UNC45B: variants seen among roughly 807,000 people sequenced by gnomAD.
UNC45B encodes the protein unc-45 myosin chaperone B, also known as protein unc-45 homolog B.
In UNC45B, 78 loss-of-function variants were observed where a neutral mutation model predicts 98.7. The ratio of observed to expected loss-of-function variants is 0.79; its 90% CI spans 0.66 to 0.95. UNC45B has a LOEUF of 0.95. UNC45B is among the 40% of genes least tolerant of loss of function. The pLI is 0.00. For synonymous variants in UNC45B, 462 were observed against 480.4 expected, an observed-to-expected ratio of 0.96 and a Z score of 0.50; for missense variants, 1,225 against 1,184.9, an observed-to-expected ratio of 1.03 and a Z score of -0.50.
chr17:35,170,281 C>A, intron 12 of UNC45B, 26 bp downstream of exon 12: 2 of 1,579,884 alleles, frequency 1.3e-6, no homozygotes, highest in Non-Finnish European at 1.7e-6. Context: ...TCTGGCCCGA[C>A]CACAAACCTC....
intron 18 of UNC45B, among the ~76,000 whole-genome samples, chr17:35,181,427 C>T (rs2092272896): frequency 6.6e-6 from 1 of 152,148 alleles, no homozygotes; most frequent in Non-Finnish European, 1.5e-5. Flanking sequence ...AGCGTGAGAC[C>T]CAGTCTGTTT....
chr17:35,159,531 A>T lies in UNC45B; in HGVS notation c.965A>T (p.Tyr322Phe). 6.2e-7 allele frequency: 1 copy of T among 1,613,870 alleles called. No homozygotes were observed. The highest frequency in any genetic ancestry group is 8.5e-7 in the Non-Finnish European group (1 of 1,179,890). ...ATTCATGACAACTCACGTACCATCTATGTGGTGGATAATGGTGAGAAGAGG... is the reference window on the plus strand; with the variant it reads ...ATTCATGACAACTCACGTACCATCTTTGTGGTGGATAATGGTGAGAAGAGG... ...LAIHDNSRTIYVVDNGLRKIL... is the reference protein window; with the variant it reads ...LAIHDNSRTIFVVDNGLRKIL... The change falls in exon 8 of 20, where the codon TAT (tyrosine) becomes TTT (phenylalanine). Residue 322 changes from tyrosine to phenylalanine, a missense_variant. Tyr to Phe is a conservative substitution (Grantham distance 22). Transcript: ENST00000394570.
chr17:35,176,197 G>C (rs1243987211), intron 15 of UNC45B, among the ~76,000 whole-genome samples, 163 bp downstream of exon 15: 2 of 152,088 alleles, frequency 1.3e-5, no homozygotes, highest in African/African-American at 4.8e-5. Context: ...TTGACTTTAT[G>C]CTATGATGGT....
chr17:35,171,383 A>G lies in UNC45B; in HGVS notation c.1751A>G (p.Tyr584Cys), dbSNP rs767095075. 4 of 1,614,226 alleles carry G rather than the reference A, an allele frequency of 2.5e-6. No individual in the cohort carries two copies. Among genetic ancestry groups the G allele is most frequent in the South Asian group, 2.2e-5 (2 of 91,084 alleles). Reference sequence around the variant, plus strand: ...ACCCTGGTGAACTGCACCAACAGCTACGATGTCAAGGAGGTCATCCCAGAG... The same window carrying G: ...ACCCTGGTGAACTGCACCAACAGCTGCGATGTCAAGGAGGTCATCCCAGAG... ...ATTLVNCTNS[Y>C]DVKEVIPELV... The change falls in exon 13 of 20, where the codon TAC becomes TGC. Residue 584 changes from tyrosine to cysteine, a missense_variant. By Grantham distance (194) the Tyr-to-Cys change is radical. Coordinates refer to ENST00000394570, the MANE Select transcript of UNC45B (RefSeq NM_001267052.2).
rs557837750 is a variant in UNC45B at position 35,171,447 on chromosome 17, C to T, written c.1815C>T (p.Pro605=). ...QLAKFSKQHV[P]EEHPKDKKDF... ...CCAAGTTCTCCAAGCAGCATGTGCC[C>T]GAGGAACACCCCAAGGTAGGGTCAG... Residue 605 remains proline (P), a synonymous_variant, in exon 13 of 20, where the codon CCC becomes CCT. Coordinates refer to ENST00000394570, the MANE Select transcript of UNC45B (RefSeq NM_001267052.2). 20 of 1,614,090 alleles carry T rather than the reference C, an allele frequency of 1.2e-5. No individual in the cohort carries two copies. Among genetic ancestry groups the T allele is most frequent in the South Asian group, 4.4e-5 (4 of 91,082 alleles).
At position 35,148,281 on chromosome 17, in the gene UNC45B, G is replaced by A. The variant is rs771865990; in HGVS notation, c.18G>A (p.Ala6=). Residue 6 remains alanine, a synonymous_variant, in exon 2 of 20, where the codon GCG becomes GCA. Coordinates refer to ENST00000394570, the MANE Select transcript of UNC45B (RefSeq NM_001267052.2). MAEVE[A]VQLKEEGNRH... ...CCCAGCAGATGGCAGAGGTGGAAGC[G>A]GTACAGCTGAAGGAGGAAGGAAACC... 2.0e-5 allele frequency: 32 copies of A among 1,613,974 alleles called. No individual in the cohort carries two copies. The highest frequency in any genetic ancestry group is 4.0e-5 in the African/African-American group (3 of 74,910).
chr17:35,164,813 T>C (rs1236228776), intron 9 of UNC45B, among the ~76,000 whole-genome samples: 1 of 151,940 alleles, frequency 6.6e-6, no homozygotes, highest in East Asian at 1.9e-4. Context: ...CCTCGAACTT[T>C]TGGGCTCATG....
rs1193103699 is a variant in UNC45B, at chr17:35,186,611, G to C, written c.*52G>C. 1.9e-6 allele frequency: 3 copies of C among 1,587,420 alleles called. No individual in the cohort carries two copies. The highest frequency in any genetic ancestry group is 2.2e-5 in the East Asian group (1 of 44,484). On this transcript the variant is annotated 3_prime_UTR_variant, in exon 20 of 20. Coordinates refer to ENST00000394570, the MANE Select transcript of UNC45B (RefSeq NM_001267052.2). ...TGGTCCTGTACTGTGCAGAGTCCTGGGTTGGTTGGGTTCTCCTGAAGAGTC... is the reference window on the plus strand; with the variant it reads ...TGGTCCTGTACTGTGCAGAGTCCTGCGTTGGTTGGGTTCTCCTGAAGAGTC...
Position 35,183,495 on chromosome 17 carries a change from T to A in UNC45B, c.2442T>A (p.Asp814Glu). 6.2e-7 allele frequency: 1 copy of A among 1,605,684 alleles called. No individual in the cohort carries two copies. The highest frequency in any genetic ancestry group is 8.5e-7 in the Non-Finnish European group (1 of 1,175,604). ...LKLVVLLCGE[D>E]DDKVQNAAAG... The stretch of plus-strand genomic sequence containing the variant: ...TGGTGGTGCTGCTCTGCGGGGAGGA[T>A]GATGATAAGGTGCAGAATGCGGCTG... Residue 814 changes from aspartate to glutamate, a missense_variant, in exon 19 of 20, where the codon GAT becomes GAA. Coordinates refer to ENST00000394570, the MANE Select transcript of UNC45B (RefSeq NM_001267052.2).
At chr17:35,179,044 T>C (rs1409551072) in intron 17 of UNC45B, among the ~76,000 whole-genome samples, 1 of 152,232 alleles carries the variant, frequency 6.6e-6, no homozygotes, top group Non-Finnish European at 1.5e-5. Context: ...GCCTGCTCTT[T>C]CTTGGTTCCA....
rs112969297 is a variant in UNC45B at position 35,154,531 on chromosome 17, G to A, written c.472-43G>A. ...TTGGCCCATGGTCCAGGCCTGGGTG[G>A]CCGTACCTCCCTCGTAACCCTTATT... On this transcript the variant is annotated intron_variant, in intron 5 of 19. Transcript: ENST00000394570. The A allele has an allele frequency of 1.0e-3, 1,635 of 1,595,134 alleles. 15 individuals carry two copies. The African/African-American group carries it at 0.018, about 17-fold the overall frequency.
Position 35,166,086 on chromosome 17 carries a change from T to TAAA in UNC45B, c.1151+1943_1151+1945dup, listed in dbSNP as rs55844448. Among the ~76,000 whole-genome samples, 36 of 58,110 alleles carry TAAA rather than the reference T, an allele frequency of 6.2e-4. 2 individuals are homozygous for TAAA. Among genetic ancestry groups the TAAA allele is most frequent in the East Asian group, 2.2e-3 (4 of 1,830 alleles). The allele number at this position is 58,110 out of a possible 152,430, so 38.1% of individuals were successfully genotyped here. ...GGCAATGTAGAGAGACCCTCATCTCTAAAAAAAAAAAAAAAAAAAAAAAAA... is the reference window on the plus strand; with the variant it reads ...GGCAATGTAGAGAGACCCTCATCTCTAAAAAAAAAAAAAAAAAAAAAAAAAAAA... On this transcript the variant is annotated intron_variant, in intron 9 of 19. Transcript: ENST00000394570.
rs189603090 is a variant in UNC45B, at chr17:35,168,851, C to T, written c.1452+490C>T. 4.0e-4 allele frequency among the ~76,000 whole-genome samples: 61 copies of T among 152,096 alleles called. 1 individual carries two copies. Among genetic ancestry groups the T allele is most frequent in the Admixed American group, 1.1e-3 (17 of 15,262 alleles). On this transcript the variant is annotated intron_variant, in intron 10 of 19. Transcript: ENST00000394570. ...CCCCCAGAGTAGCTGGAATTACAGA[C>T]GTGTGCCACCACACTCAGCTAATTT...
intron 18 of UNC45B, 103 bp from the exon 19 acceptor site, chr17:35,183,324 C>G: frequency 7.6e-7 from 1 of 1,310,650 alleles, no homozygotes. Context: ...CAAAGGGAAA[C>G]TCTAAGAGAT....
At chr17:35,175,070 AG>A (rs1567765934) in intron 14 of UNC45B, among the ~76,000 whole-genome samples, 1 of 121,002 alleles carries the variant, frequency 8.3e-6, no homozygotes, top group Non-Finnish European at 1.8e-5. Flanking sequence ...GAAGAAAGAA[AG>A]AAAGAAAGAA....
intron 16 of UNC45B, 142 bp from the exon 17 acceptor site, chr17:35,177,353 G>T (rs1258052387): frequency 4.2e-6 from 3 of 719,252 alleles, no homozygotes; most frequent in Non-Finnish European, 6.9e-6. Context: ...AAATAATCCT[G>T]CCTGTCAGGA....
chr17:35,155,371 C>T lies in UNC45B; in HGVS notation c.715C>T (p.Leu239=). Residue 239 remains leucine, a synonymous_variant, in exon 7 of 20, where the codon CTG becomes TTG. Transcript: ENST00000394570. ...GGCCGTGGAGAATGAGGAGATGTCTCTGGCTGTCTGCAACCTGCTCCAAGC... is the reference window on the plus strand; with the variant it reads ...GGCCGTGGAGAATGAGGAGATGTCTTTGGCTGTCTGCAACCTGCTCCAAGC... ...LMAVENEEMS[L]AVCNLLQAII... 6.8e-6 allele frequency: 11 copies of T among 1,614,204 alleles called. No homozygotes were observed. Among genetic ancestry groups the T allele is most frequent in the Non-Finnish European group, 9.3e-6 (11 of 1,180,046 alleles).
intron 9 of UNC45B, among the ~76,000 whole-genome samples, chr17:35,167,763 A>G (rs1377819281): frequency 6.6e-6 from 1 of 152,136 alleles, no homozygotes; most frequent in Admixed American, 6.5e-5. Flanking sequence ...TCTCTTCCCA[A>G]GAGCTCTCTC....
intron 6 of UNC45B, 118 bp from the exon 7 acceptor site, chr17:35,155,178 G>T (rs1846623028): frequency 7.8e-7 from 1 of 1,284,338 alleles, no homozygotes; most frequent in African/African-American, 1.5e-5. Context: ...TGGCTGCCTG[G>T]GCTGATTTCT....
Sources: allele counts gnomAD v4.1 joint callset (sites outside exome capture counted in the v4.1 genomes callset), GRCh38; gene constraint gnomAD v4.1.1; transcripts MANE v1.5; gene names NCBI Gene and HGNC (gene_info 2026-07-23, HGNC 2026-07-21).